Variants in AGK observed in about 807,000 individuals in gnomAD.
AGK encodes the protein acylglycerol kinase, also known as acylglycerol kinase, mitochondrial.
In AGK, 52 loss-of-function variants were observed where a neutral mutation model predicts 66.4. The ratio of observed to expected loss-of-function variants is 0.78; its 90% confidence interval spans 0.63 to 0.99. The LOEUF is 0.99. Among genes scored for constraint, AGK ranks in the 50% least tolerant of loss-of-function variants. The pLI is 0.00. For missense variants in AGK, 451 were observed against 506.6 expected, an observed-to-expected ratio of 0.89 and a Z score of 1.05; for synonymous variants, 182 against 181.1, an observed-to-expected ratio of 1.00 and a Z score of -0.04.
intron 9 of AGK, among the ~76,000 whole-genome samples, chr7:141,625,448 C>T (rs1055817658): frequency 6.6e-6 from 1 of 152,062 alleles, no homozygotes; most frequent in Non-Finnish European, 1.5e-5. Context: ...CTCCTGGGCT[C>T]AAGGGATCTT....
intron 2 of AGK, among the ~76,000 whole-genome samples, chr7:141,559,666 G>A (rs1795294681): frequency 6.6e-6 from 1 of 152,074 alleles, no homozygotes; most frequent in African/African-American, 2.4e-5. Flanking sequence ...GGATTGCATT[G>A]AATCTGTACA....
chr7:141,562,296 C>T (rs1025341192), intron 2 of AGK, among the ~76,000 whole-genome samples: 1 of 152,160 alleles, frequency 6.6e-6, no homozygotes, highest in African/African-American at 2.4e-5. Context: ...TGGCCTTCAG[C>T]CAGGAGGTGG....
chr7:141,597,019 G>A (rs1207892047), intron 4 of AGK: 2 of 172,940 alleles, frequency 1.2e-5, no homozygotes, highest in Admixed American at 5.9e-5. Flanking sequence ...GATCAGAAAT[G>A]TTCTTTCCAA....
At chr7:141,561,004 A>G (rs1450410490) in intron 2 of AGK, among the ~76,000 whole-genome samples, 4 of 152,254 alleles carry the variant, frequency 2.6e-5, no homozygotes, top group African/African-American at 9.6e-5. Context: ...CGTGTTAGCC[A>G]GGATGGTCTC....
intron 2 of AGK, among the ~76,000 whole-genome samples, chr7:141,574,583 A>G (rs949619390): frequency 2.0e-5 from 3 of 152,214 alleles, no homozygotes; most frequent in South Asian, 2.1e-4. Context: ...CTGCAGAACT[A>G]TCCTCTGGTT....
At chr7:141,614,069 T>C in intron 6 of AGK, 77 bp from the exon 7 acceptor site, 1 of 1,117,862 alleles carries the variant, frequency 8.9e-7, no homozygotes. Flanking sequence ...TTATGGTCTA[T>C]GAAAATTGAA....
intron 9 of AGK, among the ~76,000 whole-genome samples, chr7:141,633,464 G>C (rs991499420): frequency 2.6e-5 from 4 of 152,142 alleles, no homozygotes; most frequent in African/African-American, 9.7e-5. Context: ...CAGATATTCA[G>C]GTGAAACATT....
At chr7:141,600,576 T>C (rs1796320969) in intron 4 of AGK, among the ~76,000 whole-genome samples, 1 of 152,202 alleles carries the variant, frequency 6.6e-6, no homozygotes, top group Non-Finnish European at 1.5e-5. Flanking sequence ...TTTCTAATTG[T>C]GCCATACATA....
chr7:141,618,636 GT>G (rs202021596), intron 8 of AGK, among the ~76,000 whole-genome samples: 3 of 151,828 alleles, frequency 2.0e-5, no homozygotes, highest in South Asian at 2.1e-4. Flanking sequence ...ACCTAGAAAA[GT>G]TTTTTTTGTT....
At chr7:141,593,409 T>C in intron 3 of AGK, 1 of 703,128 alleles carries the variant, frequency 1.4e-6, no homozygotes, top group Non-Finnish European at 2.6e-6. Context: ...AGACTGTTTG[T>C]TTCTGGATTG....
intron 15 of AGK, chr7:141,652,565 T>G (rs1797587627): frequency 9.7e-6 from 4 of 414,386 alleles, no homozygotes; most frequent in South Asian, 5.7e-5. Flanking sequence ...AAAAAGAAAA[T>G]AAATCCTTTT....
chr7:141,583,282 A>T (rs1795920416), intron 2 of AGK, among the ~76,000 whole-genome samples: 1 of 151,496 alleles, frequency 6.6e-6, no homozygotes, highest in South Asian at 2.1e-4. Flanking sequence ...AGAAGGAGGA[A>T]TGGAGGGTGG....
chr7:141,587,730 T>G (rs1796023461), intron 2 of AGK, among the ~76,000 whole-genome samples: 1 of 152,236 alleles, frequency 6.6e-6, no homozygotes, highest in Non-Finnish European at 1.5e-5. Flanking sequence ...GCCCCCATTA[T>G]GTGCCCCTTT....
chr7:141,601,334 A>C, intron 5 of AGK, 54 bp downstream of exon 5: 1 of 1,414,424 alleles, frequency 7.1e-7, no homozygotes, highest in African/African-American at 1.4e-5. Context: ...TCTTATAACA[A>C]CCTCTTCTCT....
rs1587114560 is a variant in AGK, at chr7:141,602,173, T to TGTGTGTGTGTGTGTGTGTGTG, written c.297+893_297+894insGTGTGTGTGTGTGTGTGTGTG. ...GAGCTTTCCTTGAGGGGAGATTTTC[T>TGTGTGTGTGTGTGTGTGTGTG]TGTGTGTGTGTGTGTGTGTGTGTGT... On this transcript the variant is annotated intron_variant, in intron 5 of 15. Transcript: ENST00000649286. Among the ~76,000 whole-genome samples the TGTGTGTGTGTGTGTGTGTGTG allele has an allele frequency of 3.2e-3, 399 of 125,354 alleles. 10 individuals are homozygous for TGTGTGTGTGTGTGTGTGTGTG. The highest frequency in any genetic ancestry group is 0.014 in the East Asian group (54 of 3,838). 82.2% of individuals were successfully genotyped at this position (125,354 alleles called of 152,430 possible). A position where few individuals can be genotyped will look rare whatever the true frequency, so the allele number is the denominator to read the frequency against.
chr7:141,573,583 C>T (rs1198999757), intron 2 of AGK, among the ~76,000 whole-genome samples: 1 of 152,218 alleles, frequency 6.6e-6, no homozygotes, highest in Non-Finnish European at 1.5e-5. Context: ...ACATCTCAAA[C>T]ATTTCATGTC....
At chr7:141,651,198 T>G (rs970038562) in intron 14 of AGK, among the ~76,000 whole-genome samples, 5 of 152,240 alleles carry the variant, frequency 3.3e-5, no homozygotes, top group African/African-American at 9.6e-5. Context: ...AAGAATTTCA[T>G]TCTAATTTTT....
intron 2 of AGK, among the ~76,000 whole-genome samples, chr7:141,592,670 G>A (rs1562967220): frequency 6.6e-6 from 1 of 152,086 alleles, no homozygotes; most frequent in Non-Finnish European, 1.5e-5. Context: ...TTTTTCAAAT[G>A]TGATGATAAG....
intron 11 of AGK, among the ~76,000 whole-genome samples, chr7:141,640,002 AATG>A (rs1177725125): frequency 6.6e-6 from 1 of 152,176 alleles, no homozygotes; most frequent in Admixed American, 6.5e-5. Context: ...CTGAGGGGAA[AATG>A]AGTGGTCAGG....
Sources: gnomAD v4.1 joint callset for allele counts (sites outside exome capture counted in the v4.1 genomes callset) on GRCh38, gnomAD v4.1.1 for gene constraint, MANE v1.5 for transcripts, NCBI Gene and HGNC (gene_info 2026-07-23, HGNC 2026-07-21) for gene names.